Variants in COL5A2 observed in about 807,000 individuals in gnomAD.
COL5A2 encodes the protein collagen alpha-2(V) chain.
A neutral mutation model predicts 208.2 loss-of-function variants in COL5A2; 23 were observed. That is an observed-to-expected ratio of 0.11 (90% confidence interval 0.08 to 0.16). The LOEUF (loss-of-function observed/expected upper bound fraction) is 0.16, where lower values mean the gene tolerates loss of function less well. Ranked by LOEUF, COL5A2 falls within the 10% of genes least tolerant of loss-of-function variation. The probability of loss-of-function intolerance (pLI) is 1.00; values close to 1 mark genes in which losing one functional copy is unlikely to be tolerated. For synonymous variants in COL5A2, 625 were observed against 628.5 expected (o/e 0.99, Z 0.08); for missense variants, 1,590 against 1,956.4 (o/e 0.81, Z 3.53).
At chr2:189,058,606 T>C in intron 32 of COL5A2, 79 bp from the exon 33 acceptor site, 2 of 1,309,380 alleles carry the variant, frequency 1.5e-6, no homozygotes, top group South Asian at 1.2e-5. Flanking sequence ...AAATGGCTTC[T>C]ACTGCGGAAA....
At chr2:189,049,710 T>C (rs569280431) in intron 43 of COL5A2, among the ~76,000 whole-genome samples, 18 of 152,344 alleles carry the variant, frequency 1.2e-4, no homozygotes, top group Admixed American at 1.2e-3. Flanking sequence ...TGGGTTCTAA[T>C]CATGTGTACC....
At chr2:189,110,939 AG>A (rs1336237461) in intron 1 of COL5A2, among the ~76,000 whole-genome samples, 6 of 152,198 alleles carry the variant, frequency 3.9e-5, no homozygotes, top group Non-Finnish European at 7.4e-5. Context: ...ACTTCAAAAA[AG>A]AAAAAGGTGT....
Position 189,052,753 on chromosome 2 carries a change from G to A in COL5A2, c.2711C>T (p.Pro904Leu), listed in dbSNP as rs189320512. 26 of 1,613,982 alleles carry A rather than the reference G, an allele frequency of 1.6e-5. No homozygotes were observed. Among genetic ancestry groups the A allele is most frequent in the Admixed American group, 5.0e-5 (3 of 60,010 alleles). The change falls in exon 40 of 54, where the codon CCG (proline) becomes CTG (leucine). Residue 904 changes from proline to leucine, a missense_variant. Physicochemically the swap from Pro to Leu is moderately conservative, Grantham distance 98. Coordinates refer to ENST00000374866, the MANE Select transcript of COL5A2 (RefSeq NM_000393.5). ...CAGAGCATCAAATAAACTTACAGGC[G>A]GACCTTGGGTTCCTCGACCACCTTT... The part of the protein sequence containing the change: ...GLKGGRGTQG[P>L]PGATGFPGSA...
the COL5A2 span, among the ~76,000 whole-genome samples, chr2:189,257,476 T>C: frequency 2.6e-5 from 4 of 152,226 alleles, no homozygotes; most frequent in Non-Finnish European, 5.9e-5. Flanking sequence ...AGCTTCAATA[T>C]AGTCAAATGT....
chr2:189,293,698 T>C, the COL5A2 span, among the ~76,000 whole-genome samples: 1 of 152,198 alleles, frequency 6.6e-6, no homozygotes, highest in East Asian at 1.9e-4. Flanking sequence ...CATGAACCCA[T>C]AAGCCAGTCC....
the COL5A2 span, among the ~76,000 whole-genome samples, chr2:189,272,916 A>G: frequency 1.3e-5 from 2 of 152,180 alleles, no homozygotes; most frequent in Non-Finnish European, 1.5e-5. Context: ...CAATTTTGTG[A>G]AATGATTATA....
At chr2:189,393,600 A>G in the COL5A2 span, among the ~76,000 whole-genome samples, 2 of 152,306 alleles carry the variant, frequency 1.3e-5, 1 homozygote, top group South Asian at 4.1e-4. Flanking sequence ...AATGCTGTTT[A>G]TAACAGGGAG....
chr2:189,264,770 C>A, the COL5A2 span, among the ~76,000 whole-genome samples: 5 of 151,936 alleles, frequency 3.3e-5, no homozygotes, highest in Non-Finnish European at 7.4e-5. Flanking sequence ...TAAAAGCAAT[C>A]AAAAAGAAAA....
chr2:189,223,068 C>T (rs1689367756), intron 1 of COL5A2, among the ~76,000 whole-genome samples: 3 of 152,112 alleles, frequency 2.0e-5, no homozygotes, highest in Admixed American at 6.5e-5. Flanking sequence ...TGGGTTTTGT[C>T]TAAGTCAGTC....
chr2:189,391,374 G>A, the COL5A2 span, among the ~76,000 whole-genome samples: 4 of 152,102 alleles, frequency 2.6e-5, no homozygotes, highest in Non-Finnish European at 5.9e-5. Context: ...TCTCTGACTC[G>A]TGGCTAAGTC....
the COL5A2 span, among the ~76,000 whole-genome samples, chr2:189,373,686 T>C: frequency 6.6e-6 from 1 of 152,164 alleles, no homozygotes; most frequent in Non-Finnish European, 1.5e-5. Flanking sequence ...GAAAAAAATA[T>C]GGCAAGGACA....
chr2:189,331,813 G>A, the COL5A2 span, among the ~76,000 whole-genome samples: 1 of 152,062 alleles, frequency 6.6e-6, no homozygotes, highest in African/African-American at 2.4e-5. Flanking sequence ...AGCCGGGCGT[G>A]GTGACGGGCA....
chr2:189,044,446 C>T (rs1225412921), intron 47 of COL5A2, among the ~76,000 whole-genome samples: 2 of 152,066 alleles, frequency 1.3e-5, no homozygotes, highest in African/African-American at 4.8e-5. Context: ...AATCAGAAGG[C>T]ACCTATTTGA....
chr2:189,218,168 C>T (rs1689302292), intron 1 of COL5A2, among the ~76,000 whole-genome samples: 1 of 152,160 alleles, frequency 6.6e-6, no homozygotes. Context: ...ATATAAGTTG[C>T]TGTTATAGGT....
chr2:189,352,896 T>G, the COL5A2 span, among the ~76,000 whole-genome samples: 3 of 152,326 alleles, frequency 2.0e-5, no homozygotes, highest in African/African-American at 7.2e-5. Context: ...TGCCTAGGTT[T>G]TCTTCTGGGG....
the COL5A2 span, among the ~76,000 whole-genome samples, chr2:189,354,108 C>G: frequency 6.6e-6 from 1 of 152,156 alleles, no homozygotes; most frequent in Non-Finnish European, 1.5e-5. Context: ...GTTGAACCAG[C>G]CTTGCATCCC....
chr2:189,414,776 A>AG, the COL5A2 span, among the ~76,000 whole-genome samples: 7,096 of 132,372 alleles, frequency 0.054, 241 homozygotes, highest in South Asian at 0.078. Context: ...AAAAAAAAAA[A>AG]GAATGTTTCC....
At chr2:189,307,322 A>G in the COL5A2 span, among the ~76,000 whole-genome samples, 1 of 152,230 alleles carries the variant, frequency 6.6e-6, no homozygotes, top group Non-Finnish European at 1.5e-5. Flanking sequence ...CTTGCTATCA[A>G]TTAATATTCT....
intron 1 of COL5A2, among the ~76,000 whole-genome samples, chr2:189,188,914 G>C (rs1390235207): frequency 6.6e-6 from 1 of 152,162 alleles, no homozygotes; most frequent in East Asian, 1.9e-4. Flanking sequence ...TAGTCCATCA[G>C]TATTTTGTTT....
Sources: allele counts gnomAD v4.1 joint callset (sites outside exome capture counted in the v4.1 genomes callset), GRCh38; gene constraint gnomAD v4.1.1; transcripts MANE v1.5; gene names NCBI Gene and HGNC (gene_info 2026-07-23, HGNC 2026-07-21).